LAPTM4B: variants seen among roughly 807,000 people sequenced by gnomAD.
The protein encoded by LAPTM4B is lysosomal-associated transmembrane protein 4B.
A neutral mutation model predicts 28.5 loss-of-function variants in LAPTM4B; 26 were observed. The ratio of observed to expected loss-of-function variants is 0.91; its 90% CI spans 0.67 to 1.27. The LOEUF (loss-of-function observed/expected upper bound fraction) is 1.27, where lower values mean the gene tolerates loss of function less well. Among genes scored for constraint, LAPTM4B ranks in the 50% most tolerant of loss-of-function variants. The pLI, the probability that LAPTM4B is intolerant of heterozygous loss-of-function variation, is 0.00. For missense variants in LAPTM4B, 288 were observed against 285.8 expected (o/e 1.01, Z -0.06); for synonymous variants, 109 against 106.4 (o/e 1.02, Z -0.15).
rs867601726 is a variant in LAPTM4B, at chr8:97,848,763, C to T, written c.604-2634C>T. Among the ~76,000 whole-genome samples the T allele has an allele frequency of 7.2e-5, 11 of 152,278 alleles. No homozygotes were observed. In the South Asian group the frequency reaches 1.7e-3, roughly 23 times the overall value. On this transcript the variant is annotated intron_variant, in intron 6 of 6. Coordinates refer to ENST00000521545, the MANE Select transcript of LAPTM4B (RefSeq NM_018407.6). ...GCAGTGGTGGGGCATTGTGGTGAAG[C>T]TCAGTCTTGCTAAAATTAATATTTC...
intron 6 of LAPTM4B, among the ~76,000 whole-genome samples, chr8:97,844,265 C>G (rs1380026479): frequency 6.6e-6 from 1 of 151,956 alleles, no homozygotes; most frequent in East Asian, 1.9e-4. Flanking sequence ...GCTAATTTTT[C>G]TTTTTTGTTG....
At chr8:97,781,731 C>G (rs1816323562) in intron 1 of LAPTM4B, among the ~76,000 whole-genome samples, 1 of 152,162 alleles carries the variant, frequency 6.6e-6, no homozygotes, top group South Asian at 2.1e-4. Flanking sequence ...GTAAGTTTTG[C>G]TTATTCATGT....
chr8:97,844,651 C>T (rs577982743), intron 6 of LAPTM4B, among the ~76,000 whole-genome samples: 1 of 152,264 alleles, frequency 6.6e-6, no homozygotes, highest in Non-Finnish European at 1.5e-5. Flanking sequence ...CATGGTACTC[C>T]CCCTTGCTTT....
chr8:97,792,445 G>A (rs1330379165), intron 1 of LAPTM4B, among the ~76,000 whole-genome samples: 3 of 152,036 alleles, frequency 2.0e-5, no homozygotes, highest in African/African-American at 4.8e-5. Flanking sequence ...TTGTAGATAT[G>A]GGTTTCACCA....
chr8:97,776,697 C>CG (rs933048815), intron 1 of LAPTM4B, among the ~76,000 whole-genome samples: 1 of 151,942 alleles, frequency 6.6e-6, no homozygotes, highest in East Asian at 1.9e-4. Context: ...GGGTCCCCCC[C>CG]CCGATGTTTT....
At position 97,782,687 on chromosome 8, in the gene LAPTM4B, C is replaced by T. The variant is rs181715261; in HGVS notation, c.99+6579C>T. ...TCCTGACCTCCTGATCCACCTGCTT[C>T]GGCCTCCCAAAGTGCTGGGATTACG... On this transcript the variant is annotated intron_variant, in intron 1 of 6. Coordinates refer to ENST00000521545, the MANE Select transcript of LAPTM4B (RefSeq NM_018407.6). Among the ~76,000 whole-genome samples, 295 of 151,384 alleles carry T rather than the reference C, an allele frequency of 1.9e-3. 10 individuals are homozygous for T. In the East Asian group the frequency reaches 0.027, roughly 14 times the overall value.
chr8:97,819,506 T>C lies in LAPTM4B; in HGVS notation c.507+268T>C, dbSNP rs374675550. On this transcript the variant is annotated intron_variant, in intron 5 of 6. Transcript: ENST00000521545. ...TTACATAGTATATGATATTGCAACGTCTGTTACAAGGTCTGTGTAATGGAT... is the reference window on the plus strand; with the variant it reads ...TTACATAGTATATGATATTGCAACGCCTGTTACAAGGTCTGTGTAATGGAT... Among the ~76,000 whole-genome samples the C allele has an allele frequency of 7.9e-5, 12 of 152,298 alleles. No individual in the cohort carries two copies. The South Asian group carries it at 2.5e-3, about 32-fold the overall frequency.
chr8:97,785,440 G>A (rs1816385645), intron 1 of LAPTM4B, among the ~76,000 whole-genome samples: 1 of 152,126 alleles, frequency 6.6e-6, no homozygotes, highest in Non-Finnish European at 1.5e-5. Flanking sequence ...TATCAAAACT[G>A]TTTATTAATA....
Position 97,824,260 on chromosome 8 carries a change from C to T in LAPTM4B, c.508-798C>T, listed in dbSNP as rs371162551. 1.4e-3 allele frequency among the ~76,000 whole-genome samples: 220 copies of T among 152,226 alleles called. 1 individual carries two copies. Among genetic ancestry groups the T allele is most frequent in the Middle Eastern group, 6.8e-3 (2 of 294 alleles). On this transcript the variant is annotated intron_variant, in intron 5 of 6. Transcript: ENST00000521545. The stretch of plus-strand genomic sequence containing the variant: ...AACTCTGTTTAACCTTTCGAACTGC[C>T]GGACTTTTCCAGAGTGGCTGCAACC...
chr8:97,816,264 G>A, intron 4 of LAPTM4B, 84 bp downstream of exon 4: 2 of 1,264,402 alleles, frequency 1.6e-6, no homozygotes, highest in East Asian at 2.6e-5. Context: ...GAGATACACA[G>A]ACATTAATTT....
Position 97,844,654 on chromosome 8 carries a change from C to T in LAPTM4B, c.604-6743C>T, listed in dbSNP as rs563063840. 4.9e-4 allele frequency among the ~76,000 whole-genome samples: 75 copies of T among 152,286 alleles called. 1 individual carries two copies. The South Asian group carries it at 0.015, about 31-fold the overall frequency. On this transcript the variant is annotated intron_variant, in intron 6 of 6. Transcript: ENST00000521545. ...GACTTCAAACAGCATGGTACTCCCC[C>T]TTGCTTTACTTAGTGTCTATACTGC...
chr8:97,783,563 C>G (rs978859128), intron 1 of LAPTM4B, among the ~76,000 whole-genome samples: 10 of 152,136 alleles, frequency 6.6e-5, no homozygotes, highest in African/African-American at 2.4e-4. Context: ...AGCACACCTC[C>G]CCACCCCATC....
At chr8:97,786,827 C>T (rs1026721317) in intron 1 of LAPTM4B, among the ~76,000 whole-genome samples, 1 of 151,916 alleles carries the variant, frequency 6.6e-6, no homozygotes, top group Admixed American at 6.6e-5. Flanking sequence ...TGTTGACTAA[C>T]AGTAGTGGGC....
Position 97,808,939 on chromosome 8 carries a change from C to T in LAPTM4B, c.211+3475C>T, listed in dbSNP as rs909230742. Among the ~76,000 whole-genome samples, 6 of 150,244 alleles carry T rather than the reference C, an allele frequency of 4.0e-5. No homozygotes were observed. In the Admixed American group the frequency reaches 4.0e-4, roughly 10 times the overall value. ...TCATGCCACTACACTCCAGCCTGGGCGACAGAGCAAGACTGCATCTCAGAA... is the reference window on the plus strand; with the variant it reads ...TCATGCCACTACACTCCAGCCTGGGTGACAGAGCAAGACTGCATCTCAGAA... On this transcript the variant is annotated intron_variant, in intron 2 of 6. Transcript: ENST00000521545.
intron 1 of LAPTM4B, among the ~76,000 whole-genome samples, chr8:97,794,154 A>G (rs1451637668): frequency 3.3e-5 from 5 of 151,888 alleles, no homozygotes; most frequent in Non-Finnish European, 5.9e-5. Flanking sequence ...TAATTTTTGT[A>G]TTTTTAGTAG....
chr8:97,781,684 T>C (rs1358712240), intron 1 of LAPTM4B, among the ~76,000 whole-genome samples: 2 of 152,226 alleles, frequency 1.3e-5, no homozygotes, highest in African/African-American at 4.8e-5. Flanking sequence ...TTGTGCTGTT[T>C]CCCAGTTAAT....
At chr8:97,847,523 G>A (rs899812210) in intron 6 of LAPTM4B, among the ~76,000 whole-genome samples, 1 of 152,318 alleles carries the variant, frequency 6.6e-6, no homozygotes, top group Middle Eastern at 3.4e-3. Flanking sequence ...TAATAGAGTT[G>A]TCACCAGTTT....
chr8:97,810,971 AAGAC>A (rs577521552), intron 2 of LAPTM4B, among the ~76,000 whole-genome samples: 2 of 152,204 alleles, frequency 1.3e-5, no homozygotes, highest in African/African-American at 2.4e-5. Context: ...TGATAAGAGA[AAGAC>A]AGACACCTCA....
intron 6 of LAPTM4B, among the ~76,000 whole-genome samples, chr8:97,836,913 T>C (rs572149147): frequency 2.0e-5 from 3 of 152,006 alleles, no homozygotes; most frequent in Non-Finnish European, 4.4e-5. Flanking sequence ...GTGGCTTCTT[T>C]GGTTTCAGAA....
Sources: allele counts gnomAD v4.1 joint callset (sites outside exome capture counted in the v4.1 genomes callset), GRCh38; gene constraint gnomAD v4.1.1; transcripts MANE v1.5; gene names NCBI Gene and HGNC (gene_info 2026-07-23, HGNC 2026-07-21).